Variants in TMPO observed in about 807,000 individuals in gnomAD.
TMPO encodes the protein LEM domain containing 4.
Under a neutral mutation model 45.4 loss-of-function variants are expected in TMPO, and 22 were observed. The ratio of observed to expected loss-of-function variants is 0.48; its 90% CI spans 0.35 to 0.69. The LOEUF (loss-of-function observed/expected upper bound fraction) is 0.69. Ranked by LOEUF, TMPO falls within the 30% of genes least tolerant of loss-of-function variation. The pLI is 0.01. For missense variants in TMPO, 512 were observed against 548.8 expected (o/e 0.93, Z 0.67); for synonymous variants, 241 against 204.1 (o/e 1.18, Z -1.54).
At chr12:98,518,890 T>G (rs1483628332) in intron 1 of TMPO, among the ~76,000 whole-genome samples, 2 of 93,320 alleles carry the variant, frequency 2.1e-5, no homozygotes, top group Non-Finnish European at 3.1e-5. Context: ...AATGAAGGGT[T>G]TTTTTTTTTT....
intron 4 of TMPO, among the ~76,000 whole-genome samples, chr12:98,539,324 TAGAC>T (rs1172219759): frequency 6.6e-6 from 1 of 151,998 alleles, no homozygotes; most frequent in Non-Finnish European, 1.5e-5. Flanking sequence ...CAGGCAGAAT[TAGAC>T]AGTGGCTTTA....
intron 1 of TMPO, among the ~76,000 whole-genome samples, chr12:98,525,634 A>G (rs1876705446): frequency 6.6e-6 from 1 of 151,656 alleles, no homozygotes; most frequent in South Asian, 2.1e-4. Flanking sequence ...CCAGCTACTC[A>G]GGAGGCTGAG....
At chr12:98,534,167 A>C (rs540987352) in intron 3 of TMPO, 1 of 1,613,960 alleles carries the variant, frequency 6.2e-7, no homozygotes, top group African/African-American at 1.3e-5. Flanking sequence ...GATGAAGTGA[A>C]GATGGCTGCC....
chr12:98,548,918 A>C lies in TMPO; in HGVS notation c.*1060A>C, dbSNP rs1284425749. On this transcript the variant is annotated 3_prime_UTR_variant, in exon 9 of 9. Coordinates refer to ENST00000556029, the MANE Select transcript of TMPO (RefSeq NM_001032283.3). The stretch of plus-strand genomic sequence containing the variant: ...GGTGGATCACGAGGTCAAGAGATCA[A>C]GACCATCCTGGCCAACATGGTGAAA... 6.6e-6 allele frequency: 1 copy of C among 152,334 alleles called. No homozygotes were observed. Among genetic ancestry groups the C allele is most frequent in the Non-Finnish European group, 1.5e-5 (1 of 68,168 alleles). The allele number at this position is 152,334 out of a possible 1,614,324, so 9.4% of individuals were successfully genotyped here.
chr12:98,521,099 AATTTT>A (rs1277167853), intron 1 of TMPO, among the ~76,000 whole-genome samples: 2 of 93,060 alleles, frequency 2.1e-5, no homozygotes, highest in East Asian at 2.5e-4. Flanking sequence ...GTTTATGAGG[AATTTT>A]TTTTTTTTTT....
At chr12:98,546,542 A>C in intron 8 of TMPO, 95 bp downstream of exon 8, 3 of 1,047,332 alleles carry the variant, frequency 2.9e-6, no homozygotes, top group Non-Finnish European at 4.5e-6. Flanking sequence ...TCTGCTCAGA[A>C]TTAAGCTGTT....
intron 1 of TMPO, among the ~76,000 whole-genome samples, chr12:98,519,917 AAAT>A (rs1464883362): frequency 6.6e-6 from 1 of 152,080 alleles, no homozygotes; most frequent in African/African-American, 2.4e-5. Flanking sequence ...CCCCATATAA[AAAT>A]AATACCAGGT....
Position 98,518,018 on chromosome 12 carries a change from A to G in TMPO, c.279+1872A>G, listed in dbSNP as rs1169254664. 2.0e-5 allele frequency among the ~76,000 whole-genome samples: 3 copies of G among 152,172 alleles called. No homozygotes were observed. In the East Asian group the frequency reaches 5.8e-4, roughly 29 times the overall value. On this transcript the variant is annotated intron_variant, in intron 1 of 8. Transcript: ENST00000556029. ...TTTCTACTAAAGAAAAAAAATACAA[A>G]AATTAGCCGTGCCTGGTGGCGGCGG...
Position 98,539,774 on chromosome 12 carries a change from A to G in TMPO, c.663+2202A>G, listed in dbSNP as rs1376060936. On this transcript the variant is annotated intron_variant, in intron 4 of 8. Transcript: ENST00000556029. Reference sequence around the variant, plus strand: ...CAGGCATGAGCTACCGCACCTGGCAATAAATTGCTTTTGATTTTTTTTATT... The same window carrying G: ...CAGGCATGAGCTACCGCACCTGGCAGTAAATTGCTTTTGATTTTTTTTATT... Among the ~76,000 whole-genome samples, 4 of 152,278 alleles carry G rather than the reference A, an allele frequency of 2.6e-5. No homozygotes were observed. The South Asian group carries it at 8.3e-4, about 32-fold the overall frequency.
At chr12:98,543,775 C>T (rs1238276056) in intron 4 of TMPO, among the ~76,000 whole-genome samples, 1 of 152,084 alleles carries the variant, frequency 6.6e-6, no homozygotes, top group Non-Finnish European at 1.5e-5. Flanking sequence ...TGATTATAAC[C>T]ATATGAAAAT....
intron 2 of TMPO, 28 bp from the exon 3 acceptor site, chr12:98,531,652 T>C (rs1877199104): frequency 2.5e-6 from 4 of 1,610,802 alleles, no homozygotes; most frequent in South Asian, 1.1e-5. Flanking sequence ...ACAATACAGG[T>C]ACTAAAGCAA....
At chr12:98,541,500 A>G (rs1251603201) in intron 4 of TMPO, among the ~76,000 whole-genome samples, 1 of 152,212 alleles carries the variant, frequency 6.6e-6, no homozygotes, top group Non-Finnish European at 1.5e-5. Context: ...ATAATACAGT[A>G]TTACTACTAA....
At chr12:98,518,839 A>T (rs1256460779) in intron 1 of TMPO, among the ~76,000 whole-genome samples, 2 of 152,132 alleles carry the variant, frequency 1.3e-5, no homozygotes, top group Non-Finnish European at 2.9e-5. Flanking sequence ...CTCATATGTT[A>T]ATTGAAGTTG....
intron 4 of TMPO, chr12:98,537,826 A>G (rs938589341): frequency 1.1e-4 from 61 of 559,972 alleles, no homozygotes; most frequent in Non-Finnish European, 1.8e-4. Context: ...AGCCAGTTAT[A>G]TGGTGTTTTG....
chr12:98,532,940 C>T (rs1238360132), intron 3 of TMPO: 1 of 1,614,092 alleles, frequency 6.2e-7, no homozygotes. Context: ...CCTGAAATCT[C>T]CACCCGTCCT....
In TMPO at chr12:98,528,006, A is replaced by G. The variant is rs745442874; in HGVS notation, c.400A>G (p.Ile134Val). The part of the protein sequence containing the change: ...LVKYGVNPGP[I>V]VGTTRKLYEK... ...GAAATACGGAGTGAATCCTGGTCCT[A>G]TTGTGGGTAAGTTGATAAAATTTCA... is the stretch of plus-strand genomic sequence containing the variant. Residue 134 changes from isoleucine to valine, a missense_variant, in exon 2 of 9, where the codon ATT (isoleucine) becomes GTT (valine). By Grantham distance (29) the Ile-to-Val change is conservative. This residue lies in a region of TMPO where 299 missense variants were observed against 296.7 expected (regional missense o/e 1.01). Transcript: ENST00000556029. 7 of 1,613,742 alleles carry G rather than the reference A, an allele frequency of 4.3e-6. No individual in the cohort carries two copies. Among genetic ancestry groups the G allele is most frequent in the African/African-American group, 1.3e-5 (1 of 74,916 alleles).
intron 1 of TMPO, among the ~76,000 whole-genome samples, chr12:98,524,596 A>C: frequency 6.6e-6 from 1 of 150,608 alleles, no homozygotes; most frequent in South Asian, 2.1e-4. Flanking sequence ...AAAAAAAAAG[A>C]GTTAAGATTT....
In TMPO at chr12:98,531,231, C is replaced by T. The variant is rs1004757439; in HGVS notation, c.407-449C>T. Among the ~76,000 whole-genome samples the T allele has an allele frequency of 1.3e-4, 18 of 143,256 alleles. No homozygotes were observed. The East Asian group carries it at 3.0e-3, about 24-fold the overall frequency. 94.0% of individuals were successfully genotyped at this position (143,256 alleles called of 152,430 possible). On this transcript the variant is annotated intron_variant, in intron 2 of 8. Coordinates refer to ENST00000556029, the MANE Select transcript of TMPO (RefSeq NM_001032283.3). ...CTGGGATTACAGGCATCAGCCACCA[C>T]GTCCTTTTTTTTTTTTTTTTTTTTT...
intron 1 of TMPO, chr12:98,516,409 C>G: frequency 4.2e-6 from 5 of 1,182,580 alleles, no homozygotes; most frequent in Non-Finnish European, 5.2e-6. Context: ...TTGTTTTGCA[C>G]GCAGTCGACG....
Sources: allele counts gnomAD v4.1 joint callset (sites outside exome capture counted in the v4.1 genomes callset), GRCh38; gene constraint gnomAD v4.1.1; regional missense constraint gnomAD v4.1.1; transcripts MANE v1.5; gene names NCBI Gene and HGNC (gene_info 2026-07-23, HGNC 2026-07-21).